The following HIVEP1 variants were observed in gnomAD, a reference collection of about 807,000 sequenced individuals.
The protein encoded by HIVEP1 is zinc finger protein 40.
Under a neutral mutation model 180.0 loss-of-function variants are expected in HIVEP1, and 36 were observed. The ratio of observed to expected loss-of-function variants is 0.20; its 90% CI spans 0.15 to 0.26. HIVEP1 has a LOEUF of 0.26. Among genes scored for constraint, HIVEP1 ranks in the 10% least tolerant of loss-of-function variants. The pLI, the probability that HIVEP1 is intolerant of heterozygous loss-of-function variation, is 1.00. For missense variants in HIVEP1, 3,143 were observed against 3,268.7 expected (o/e 0.96, Z 0.94); for synonymous variants, 1,239 against 1,239.0 (o/e 1.00, Z 0.00).
chr6:12,083,218 T>G (rs1249899474), intron 2 of HIVEP1, among the ~76,000 whole-genome samples: 1 of 152,154 alleles, frequency 6.6e-6, no homozygotes, highest in East Asian at 1.9e-4. Flanking sequence ...AATTATGTCT[T>G]TTTAATATAA....
chr6:12,117,476 C>G (rs1378285837), intron 3 of HIVEP1, among the ~76,000 whole-genome samples: 1 of 152,072 alleles, frequency 6.6e-6, no homozygotes, highest in Non-Finnish European at 1.5e-5. Context: ...TTTAGCAATT[C>G]CTTTATCTTA....
chr6:12,145,515 TAA>T (rs202193525), intron 7 of HIVEP1, among the ~76,000 whole-genome samples: 90 of 103,674 alleles, frequency 8.7e-4, no homozygotes, highest in East Asian at 1.2e-3. Flanking sequence ...ACTTAAAGTA[TAA>T]AAAAAAAAAA....
chr6:12,145,337 G>A (rs893611935), intron 7 of HIVEP1, among the ~76,000 whole-genome samples: 2 of 152,088 alleles, frequency 1.3e-5, no homozygotes, highest in Admixed American at 6.5e-5. Context: ...TTGAACACAG[G>A]GAGGGGAACA....
chr6:12,023,584 A>G (rs1449539623), intron 2 of HIVEP1, among the ~76,000 whole-genome samples: 1 of 152,256 alleles, frequency 6.6e-6, no homozygotes, highest in Non-Finnish European at 1.5e-5. Flanking sequence ...AGGAGCGATC[A>G]TGTAGATAGC....
intron 2 of HIVEP1, among the ~76,000 whole-genome samples, chr6:12,026,102 C>T (rs1002662375): frequency 1.3e-5 from 2 of 151,672 alleles, no homozygotes; most frequent in Admixed American, 6.6e-5. Flanking sequence ...CTTCCGGGAG[C>T]AGTGAAAATG....
chr6:12,043,902 T>C (rs1396852488), intron 2 of HIVEP1, among the ~76,000 whole-genome samples: 1 of 152,194 alleles, frequency 6.6e-6, no homozygotes, highest in Admixed American at 6.5e-5. Flanking sequence ...ACTCCAGTCA[T>C]TATGATAAAA....
intron 7 of HIVEP1, among the ~76,000 whole-genome samples, chr6:12,160,506 G>A (rs1473784355): frequency 6.6e-6 from 1 of 152,200 alleles, no homozygotes; most frequent in African/African-American, 2.4e-5. Flanking sequence ...ACAAAGTGTG[G>A]TTGAAAGAGT....
At chr6:12,149,105 A>G (rs1759538881) in intron 7 of HIVEP1, among the ~76,000 whole-genome samples, 1 of 152,172 alleles carries the variant, frequency 6.6e-6, no homozygotes, top group African/African-American at 2.4e-5. Flanking sequence ...GGTGGTAGTG[A>G]CATCAGTAGT....
intron 2 of HIVEP1, among the ~76,000 whole-genome samples, chr6:12,049,741 A>G (rs1246876835): frequency 6.6e-6 from 1 of 152,230 alleles, no homozygotes; most frequent in Non-Finnish European, 1.5e-5. Flanking sequence ...TAATAAGCTT[A>G]TACTTTCATG....
chr6:12,192,365 C>T, the HIVEP1 span, among the ~76,000 whole-genome samples: 1 of 152,112 alleles, frequency 6.6e-6, no homozygotes, highest in East Asian at 1.9e-4. Flanking sequence ...TCATTACATG[C>T]ATAGAATGTG....
At chr6:12,169,667 G>T (rs1322470151), downstream of HIVEP1, among the ~76,000 whole-genome samples, 1 of 152,288 alleles carries the variant, frequency 6.6e-6, no homozygotes, top group South Asian at 2.1e-4. Context: ...GTATACAGGG[G>T]ATTGCTGTAT....
intron 2 of HIVEP1, among the ~76,000 whole-genome samples, chr6:12,081,188 C>T (rs143034479): frequency 7.2e-5 from 11 of 152,264 alleles, no homozygotes; most frequent in Admixed American, 6.5e-5. Flanking sequence ...CTTCTTCATC[C>T]GAGTTGCCAA....
intron 2 of HIVEP1, among the ~76,000 whole-genome samples, chr6:12,019,005 A>C (rs933696531): frequency 6.6e-6 from 1 of 152,218 alleles, no homozygotes; most frequent in Non-Finnish European, 1.5e-5. Flanking sequence ...CTTGGAATAA[A>C]TTGTGTCTGA....
At chr6:12,088,788 G>A (rs1012162810) in intron 2 of HIVEP1, among the ~76,000 whole-genome samples, 3 of 151,998 alleles carry the variant, frequency 2.0e-5, no homozygotes. Flanking sequence ...TTAAGTCTTA[G>A]CTTTGCTTAA....
Position 12,164,371 on chromosome 6 carries a change from G to A in HIVEP1, c.8067G>A (p.Arg2689=), listed in dbSNP as rs200071592. The A allele has an allele frequency of 3.2e-5, 51 of 1,613,984 alleles. 1 individual carries two copies. Among genetic ancestry groups the A allele is most frequent in the Middle Eastern group, 1.6e-4 (1 of 6,084 alleles). Residue 2689 remains arginine, a synonymous_variant, in exon 9 of 9, where the codon AGG becomes AGA. Coordinates refer to ENST00000379388, the MANE Select transcript of HIVEP1 (RefSeq NM_002114.4). Reference sequence around the variant, plus strand: ...TCTCTCCAGACAGACAGGTTCCCAGGCCCACAGCACTACCGCGGAGGCAGC... The same window carrying A: ...TCTCTCCAGACAGACAGGTTCCCAGACCCACAGCACTACCGCGGAGGCAGC... ...QTLSPDRQVP[R]PTALPRRQPT... is the part of the protein sequence containing the mutation.
chr6:12,108,311 G>A (rs1008887355), intron 3 of HIVEP1, among the ~76,000 whole-genome samples: 6 of 152,244 alleles, frequency 3.9e-5, no homozygotes, highest in African/African-American at 1.4e-4. Flanking sequence ...AGACTCAGGA[G>A]CCCAGCTGGC....
chr6:12,098,687 G>A (rs1340568818), intron 3 of HIVEP1, among the ~76,000 whole-genome samples: 1 of 152,168 alleles, frequency 6.6e-6, no homozygotes. Context: ...AATATAATTT[G>A]AGGGCAGAAA....
chr6:12,168,372 ACATG>A (rs1760815243), downstream of HIVEP1, among the ~76,000 whole-genome samples: 1 of 131,038 alleles, frequency 7.6e-6, no homozygotes, highest in Non-Finnish European at 1.6e-5. Context: ...ATATACATAT[ACATG>A]TATATATGTA....
chr6:12,184,059 AGACT>A, the HIVEP1 span, among the ~76,000 whole-genome samples: 5,027 of 148,626 alleles, frequency 0.034, 138 homozygotes, highest in Admixed American at 0.081. Context: ...ACAGACAGAC[AGACT>A]GATTTGGGGG....
Sources: gnomAD v4.1 joint callset for allele counts (sites outside exome capture counted in the v4.1 genomes callset) on GRCh38, gnomAD v4.1.1 for gene constraint, MANE v1.5 for transcripts, NCBI Gene and HGNC (gene_info 2026-07-23, HGNC 2026-07-21) for gene names.